Variants in PDE1A observed in about 807,000 individuals in gnomAD.
PDE1A encodes the protein phosphodiesterase 1A.
A neutral mutation model predicts 61.7 loss-of-function variants in PDE1A; 35 were observed. The ratio of observed to expected loss-of-function variants is 0.57; its 90% CI spans 0.43 to 0.75. The LOEUF is 0.75. Among genes scored for constraint, PDE1A ranks in the 30% least tolerant of loss-of-function variants. PDE1A has a pLI of 0.00. For missense variants in PDE1A, 597 were observed against 630.6 expected, an observed-to-expected ratio of 0.95 and a Z score of 0.57; for synonymous variants, 232 against 213.2, an observed-to-expected ratio of 1.09 and a Z score of -0.77.
At chr2:182,464,185 G>T (rs1262934420) in intron 2 of PDE1A, among the ~76,000 whole-genome samples, 3 of 152,052 alleles carry the variant, frequency 2.0e-5, no homozygotes, top group African/African-American at 7.2e-5. Context: ...TTCTACAATT[G>T]TTCACCCGAA....
At chr2:182,188,110 C>T (rs930133942) in intron 11 of PDE1A, among the ~76,000 whole-genome samples, 1 of 152,134 alleles carries the variant, frequency 6.6e-6, no homozygotes, top group Non-Finnish European at 1.5e-5. Flanking sequence ...ACTAACATGG[C>T]AGCAATTTGC....
chr2:182,324,443 G>A (rs1218209037), intron 1 of PDE1A, among the ~76,000 whole-genome samples: 1 of 151,946 alleles, frequency 6.6e-6, no homozygotes, highest in Non-Finnish European at 1.5e-5. Context: ...AAGTTTAGGG[G>A]ATTCCAAAAC....
At chr2:182,648,668 T>C in the PDE1A span, among the ~76,000 whole-genome samples, 1 of 147,158 alleles carries the variant, frequency 6.8e-6, no homozygotes, top group Non-Finnish European at 1.5e-5. Flanking sequence ...GTTACTGCAC[T>C]CAGCCTGGGT....
At chr2:182,471,452 C>A (rs1001117902) in intron 2 of PDE1A, among the ~76,000 whole-genome samples, 1 of 151,690 alleles carries the variant, frequency 6.6e-6, no homozygotes, top group African/African-American at 2.4e-5. Flanking sequence ...TGAATTATGA[C>A]TTCTCAAATT....
chr2:182,695,158 G>T, the PDE1A span, among the ~76,000 whole-genome samples: 1,358 of 152,162 alleles, frequency 8.9e-3, 14 homozygotes, highest in South Asian at 0.054. Flanking sequence ...AGCCTGACAT[G>T]TAAGGGGCTT....
At chr2:182,414,065 C>T (rs1702774625) in intron 1 of PDE1A, among the ~76,000 whole-genome samples, 1 of 152,076 alleles carries the variant, frequency 6.6e-6, no homozygotes. Flanking sequence ...GAGTTGAGAT[C>T]TGCACATGTA....
At chr2:182,329,640 C>T (rs1222361270) in intron 1 of PDE1A, among the ~76,000 whole-genome samples, 1 of 152,170 alleles carries the variant, frequency 6.6e-6, no homozygotes, top group African/African-American at 2.4e-5. Context: ...ATCCACTGGC[C>T]TCAGCCTCCC....
the PDE1A span, among the ~76,000 whole-genome samples, chr2:182,633,668 C>A: frequency 2.2e-4 from 33 of 152,304 alleles, no homozygotes; most frequent in African/African-American, 7.7e-4. Flanking sequence ...CATCTTGCCC[C>A]TATTTCAGAT....
Position 182,259,990 on chromosome 2 carries a change from T to C in PDE1A, c.167+4311A>G, listed in dbSNP as rs572588950. 2.0e-5 allele frequency among the ~76,000 whole-genome samples: 3 copies of C among 152,358 alleles called. No individual in the cohort carries two copies. The East Asian group carries it at 5.8e-4, about 29-fold the overall frequency. ...AAGGATTGGCATTTGCATTTGAAAA[T>C]GTCTTTTAAAAAATCCAGCAGTCAT... On this transcript the variant is annotated intron_variant, in intron 2 of 13. Transcript: ENST00000351439.
At chr2:182,627,293 A>G in the PDE1A span, among the ~76,000 whole-genome samples, 1 of 98,514 alleles carries the variant, frequency 1.0e-5, no homozygotes, top group African/African-American at 4.0e-5. Context: ...ATATAAATAT[A>G]TATTATATAT....
At chr2:182,355,940 T>A (rs1302972164) in intron 1 of PDE1A, among the ~76,000 whole-genome samples, 1 of 152,204 alleles carries the variant, frequency 6.6e-6, no homozygotes, top group Non-Finnish European at 1.5e-5. Flanking sequence ...CGTTTGCTTA[T>A]AATTTTTGAG....
chr2:182,560,574 T>C, the PDE1A span, among the ~76,000 whole-genome samples: 2 of 151,974 alleles, frequency 1.3e-5, no homozygotes, highest in African/African-American at 2.4e-5. Context: ...TTTGGGTATA[T>C]ACCCAGTAAT....
chr2:182,699,724 T>C, the PDE1A span, among the ~76,000 whole-genome samples: 7 of 152,246 alleles, frequency 4.6e-5, no homozygotes, highest in Non-Finnish European at 1.0e-4. Flanking sequence ...AGTTTGTTTA[T>C]TTGTTTTTCT....
chr2:182,679,958 C>A, the PDE1A span, among the ~76,000 whole-genome samples: 1 of 152,032 alleles, frequency 6.6e-6, no homozygotes, highest in South Asian at 2.1e-4. Flanking sequence ...CATTATCAAG[C>A]CTCAAAAATT....
Position 182,504,145 on chromosome 2 carries a change from C to A in PDE1A, c.101+18131G>T, listed in dbSNP as rs554501859. On this transcript the variant is annotated intron_variant, in intron 2 of 14. Coordinates refer to the PDE1A transcript ENST00000410103. ...GTATACATTAGTGTTTACTGCTATA[C>A]CCACAAGACATACACTTAACAAAAC... 2.0e-5 allele frequency among the ~76,000 whole-genome samples: 3 copies of A among 152,268 alleles called. No individual in the cohort carries two copies. In the South Asian group the frequency reaches 6.2e-4, roughly 32 times the overall value.
chr2:182,711,288 T>C, the PDE1A span, among the ~76,000 whole-genome samples: 1 of 151,974 alleles, frequency 6.6e-6, no homozygotes, highest in Admixed American at 6.6e-5. Context: ...CAATAGAAGA[T>C]TGGTTATGTA....
upstream of PDE1A, chr2:182,522,818 C>T (rs770388210): frequency 4.6e-6 from 1 of 216,156 alleles, no homozygotes; most frequent in Non-Finnish European, 7.9e-6. Context: ...TTCCTCTCTA[C>T]CAACAGAACA....
At chr2:182,368,631 G>A (rs1171501776) in intron 1 of PDE1A, among the ~76,000 whole-genome samples, 1 of 151,860 alleles carries the variant, frequency 6.6e-6, no homozygotes, top group Non-Finnish European at 1.5e-5. Context: ...CTCACTCTCT[G>A]TTGTTGAATC....
the PDE1A span, among the ~76,000 whole-genome samples, chr2:182,530,399 C>T: frequency 6.6e-6 from 1 of 152,018 alleles, no homozygotes; most frequent in Non-Finnish European, 1.5e-5. Context: ...CCAAATTTGG[C>T]AAGAGACATA....
Sources: allele counts gnomAD v4.1 joint callset (sites outside exome capture counted in the v4.1 genomes callset), GRCh38; gene constraint gnomAD v4.1.1; transcripts MANE v1.5; gene names NCBI Gene and HGNC (gene_info 2026-07-23, HGNC 2026-07-21).